The following ZNF547 variants were observed in gnomAD, a reference collection of about 807,000 sequenced individuals.
ZNF547 encodes the protein zinc finger protein 547.
A neutral mutation model predicts 7.7 loss-of-function variants in ZNF547; 4 were observed. That is an observed-to-expected ratio of 0.52 (90% CI 0.26 to 1.20). The LOEUF is 1.20. ZNF547 is among the 50% of genes most tolerant of loss of function. The pLI is 0.14. For missense variants in ZNF547, 449 were observed against 485.8 expected, an observed-to-expected ratio of 0.92 and a Z score of 0.71; for synonymous variants, 166 against 166.2, an observed-to-expected ratio of 1.00 and a Z score of 0.01.
In ZNF547 at chr19:57,377,779, A is replaced by C. The variant is rs1216924130; in HGVS notation, c.803A>C (p.Tyr268Ser). The change falls in exon 4 of 4, where the codon TAT becomes TCT. Residue 268 changes from tyrosine to serine, a missense_variant. Transcript: ENST00000282282. ...HQRVHTGKRPYGCSECGKFFK... is the reference protein window; with the variant it reads ...HQRVHTGKRPSGCSECGKFFK... ...AGGGTTCACACTGGAAAGAGGCCTT[A>C]TGGTTGCAGTGAATGTGGGAAGTTC... 1.2e-6 allele frequency: 2 copies of C among 1,614,140 alleles called. No individual in the cohort carries two copies. Among genetic ancestry groups the C allele is most frequent in the East Asian group, 4.5e-5 (2 of 44,862 alleles).
chr19:57,364,929 C>T (rs757945754), intron 1 of ZNF547: 21 of 1,612,726 alleles, frequency 1.3e-5, no homozygotes, highest in African/African-American at 1.1e-4. Flanking sequence ...AATCCAAAGA[C>T]GACCATCGTC....
rs2088559003 is a variant in ZNF547, at chr19:57,379,223, T to C, written c.*1038T>C. On this transcript the variant is annotated 3_prime_UTR_variant, in exon 4 of 4. Transcript: ENST00000282282. Reference sequence around the variant, plus strand: ...TGGAACTGCTGGATCACATGGTACTTCTAACTTTAATTCTTTGATGAACTG... The same window carrying C: ...TGGAACTGCTGGATCACATGGTACTCCTAACTTTAATTCTTTGATGAACTG... 6.6e-6 allele frequency: 1 copy of C among 152,280 alleles called. No individual in the cohort carries two copies. The highest frequency in any genetic ancestry group is 1.9e-4 in the East Asian group (1 of 5,196). 9.4% of individuals were successfully genotyped at this position (152,280 alleles called of 1,614,324 possible). A position where few individuals can be genotyped will look rare whatever the true frequency, so the allele number is the denominator to read the frequency against.
At chr19:57,376,262 C>A (rs1028099006) in intron 3 of ZNF547, among the ~76,000 whole-genome samples, 1 of 152,070 alleles carries the variant, frequency 6.6e-6, no homozygotes, top group African/African-American at 2.4e-5. Flanking sequence ...TCACCTGGTC[C>A]CACCCTTGAC....
chr19:57,371,637 G>C, intron 2 of ZNF547, 145 bp from the exon 3 acceptor site: 1 of 1,251,656 alleles, frequency 8.0e-7, no homozygotes, highest in Non-Finnish European at 1.1e-6. Context: ...ATGTGCCCAG[G>C]ATGGTAGGGG....
At position 57,371,874 on chromosome 19, in the gene ZNF547, G is replaced by A. The variant is rs773975953; in HGVS notation, c.117G>A (p.Val39=). The change falls in exon 3 of 4, where the codon GTG becomes GTA. Residue 39 remains valine (V), a synonymous_variant. Coordinates refer to ENST00000282282, the MANE Select transcript of ZNF547 (RefSeq NM_173631.4). ...CTCAGAGATTGCTGTACCGTGATGT[G>A]ATGCTGGAGAATTTGGCCCTTTTGT... ...DEAQRLLYRD[V]MLENLALLSS... is the part of the protein sequence containing the mutation. 1 of 1,612,700 alleles carries A rather than the reference G, an allele frequency of 6.2e-7. No homozygotes were observed. The highest frequency in any genetic ancestry group is 8.5e-7 in the Non-Finnish European group (1 of 1,179,214).
At chr19:57,374,562 C>T (rs2088525055) in intron 3 of ZNF547, among the ~76,000 whole-genome samples, 1 of 152,276 alleles carries the variant, frequency 6.6e-6, no homozygotes, top group Non-Finnish European at 1.5e-5. Flanking sequence ...AATTTCTCCC[C>T]AGAAAACGGG....
intron 1 of ZNF547, chr19:57,365,390 C>T (rs556462942): frequency 1.5e-6 from 1 of 667,944 alleles, no homozygotes; most frequent in African/African-American, 1.8e-5. Flanking sequence ...AATGAAATTT[C>T]TTTTATATTT....
intron 1 of ZNF547, among the ~76,000 whole-genome samples, chr19:57,366,274 G>A (rs1458896206): frequency 2.0e-5 from 3 of 151,996 alleles, no homozygotes; most frequent in African/African-American, 7.2e-5. Context: ...AGGCTGGAGT[G>A]CAGTGGCACG....
rs1354859735 is a variant in ZNF547, at chr19:57,378,801, C to G, written c.*616C>G. 1 of 441,596 alleles carries G rather than the reference C, an allele frequency of 2.3e-6. No individual in the cohort carries two copies. Among genetic ancestry groups the G allele is most frequent in the Non-Finnish European group, 4.5e-6 (1 of 222,836 alleles). The allele number at this position is 441,596 out of a possible 1,614,324, so 27.4% of individuals were successfully genotyped here. On this transcript the variant is annotated 3_prime_UTR_variant, in exon 4 of 4. Transcript: ENST00000282282. ...TGTTGAGCAAAGAATATCCTGAACTCTTTATCTTGTAAAATGAAACTCTAT... is the reference window on the plus strand; with the variant it reads ...TGTTGAGCAAAGAATATCCTGAACTGTTTATCTTGTAAAATGAAACTCTAT...
At chr19:57,364,552 C>T (rs2088448701) in intron 1 of ZNF547, 1 of 476,332 alleles carries the variant, frequency 2.1e-6, no homozygotes, top group Non-Finnish European at 3.8e-6. Context: ...ACCAGCCTGA[C>T]CAACATGGTG....
intron 3 of ZNF547, among the ~76,000 whole-genome samples, chr19:57,373,322 G>GA (rs1272885791): frequency 2.6e-5 from 4 of 152,152 alleles, no homozygotes; most frequent in Non-Finnish European, 5.9e-5. Context: ...CTGTTCCCAT[G>GA]ATTCAGTTCT....
Position 57,378,322 on chromosome 19 carries a change from T to C in ZNF547, c.*137T>C. 2.5e-6 allele frequency: 2 copies of C among 813,864 alleles called. No individual in the cohort carries two copies. Among genetic ancestry groups the C allele is most frequent in the South Asian group, 1.6e-5 (1 of 64,146 alleles). The allele number at this position is 813,864 out of a possible 1,614,324, so 50.4% of individuals were successfully genotyped here. A position where few individuals can be genotyped will look rare whatever the true frequency, so the allele number is the denominator to read the frequency against. On this transcript the variant is annotated 3_prime_UTR_variant, in exon 4 of 4. Coordinates refer to ENST00000282282, the MANE Select transcript of ZNF547 (RefSeq NM_173631.4). The stretch of plus-strand genomic sequence containing the variant: ...TATGTAGGTACAGCTCTCCAGTCGC[T>C]ATGTATCAGAGAATTCACACTGCAG...
At chr19:57,368,375 T>A in intron 1 of ZNF547, 169 bp from the exon 2 acceptor site, 1 of 608,832 alleles carries the variant, frequency 1.6e-6, no homozygotes, top group African/African-American at 1.9e-5. Flanking sequence ...AGTTCTTTTC[T>A]AGAGTCACAG....
intron 3 of ZNF547, among the ~76,000 whole-genome samples, chr19:57,376,628 C>T (rs2088537778): frequency 6.6e-6 from 1 of 152,290 alleles, no homozygotes; most frequent in East Asian, 1.9e-4. Context: ...AGTAAATTTA[C>T]TTAATCTAAA....
In ZNF547 at chr19:57,377,574, A is replaced by G. The variant is rs368846624; in HGVS notation, c.598A>G (p.Asn200Asp). ...ATTGTTTATGGAAAGGTCCACACTC[A>G]ATAGACATCAGAGAACTCACACTGG... is the stretch of plus-strand genomic sequence containing the variant. ...GILFMERSTL[N>D]RHQRTHTGER... The change falls in exon 4 of 4, where the codon AAT (asparagine) becomes GAT (aspartate). Residue 200 changes from asparagine to aspartate, a missense_variant. Coordinates refer to ENST00000282282, the MANE Select transcript of ZNF547 (RefSeq NM_173631.4). 1.4e-4 allele frequency: 229 copies of G among 1,614,090 alleles called. No individual in the cohort carries two copies. Among genetic ancestry groups the G allele is most frequent in the Non-Finnish European group, 1.9e-4 (220 of 1,180,044 alleles).
At chr19:57,368,428 T>C in intron 1 of ZNF547, 116 bp from the exon 2 acceptor site, 1 of 916,336 alleles carries the variant, frequency 1.1e-6, no homozygotes, top group East Asian at 2.5e-5. Flanking sequence ...GCTGAGTTTA[T>C]ACAATCAACT....
intron 1 of ZNF547, chr19:57,364,785 T>C (rs778085898): frequency 1.4e-6 from 2 of 1,473,468 alleles, no homozygotes; most frequent in Admixed American, 3.8e-5. Flanking sequence ...AAACTGACAT[T>C]GCGTTTCCGT....
intron 1 of ZNF547, among the ~76,000 whole-genome samples, chr19:57,366,775 TA>T (rs1476770542): frequency 1.3e-5 from 2 of 152,188 alleles, no homozygotes; most frequent in Admixed American, 1.3e-4. Flanking sequence ...TAGATAGATT[TA>T]AAACTAAAAT....
intron 1 of ZNF547, among the ~76,000 whole-genome samples, chr19:57,365,743 G>C (rs1393264338): frequency 6.6e-6 from 1 of 151,798 alleles, no homozygotes; most frequent in Non-Finnish European, 1.5e-5. Flanking sequence ...TCCTGACCTC[G>C]TGATCTGCCT....
Sources: allele counts gnomAD v4.1 joint callset (sites outside exome capture counted in the v4.1 genomes callset), GRCh38; gene constraint gnomAD v4.1.1; transcripts MANE v1.5; gene names NCBI Gene and HGNC (gene_info 2026-07-23, HGNC 2026-07-21).